HLTF: variants seen among roughly 807,000 people sequenced by gnomAD.
HLTF encodes the protein helicase like transcription factor.
HLTF carries 127 observed loss-of-function variants against 129.4 expected under a neutral mutation model. The observed-to-expected ratio is 0.98, with a 90% CI of 0.85 to 1.14. The LOEUF (loss-of-function observed/expected upper bound fraction) is 1.14. Among genes scored for constraint, HLTF ranks in the 50% most tolerant of loss-of-function variants. The pLI, the probability that HLTF is intolerant of heterozygous loss-of-function variation, is 0.00. For synonymous variants in HLTF, 332 were observed against 388.8 expected, an observed-to-expected ratio of 0.85 and a Z score of 1.72; for missense variants, 1,139 against 1,187.1, an observed-to-expected ratio of 0.96 and a Z score of 0.60.
At chr3:149,068,073 G>C (rs994828960) in intron 8 of HLTF, among the ~76,000 whole-genome samples, 167 bp downstream of exon 8, 1 of 152,104 alleles carries the variant, frequency 6.6e-6, no homozygotes, top group African/African-American at 2.4e-5. Flanking sequence ...AACGTAAAAA[G>C]AATGTGACAC....
chr3:149,069,742 A>G (rs978933624), intron 7 of HLTF, among the ~76,000 whole-genome samples: 9 of 152,348 alleles, frequency 5.9e-5, no homozygotes, highest in African/African-American at 1.7e-4. Flanking sequence ...TGTCTGAAAG[A>G]TACTTTCTAG....
intron 4 of HLTF, among the ~76,000 whole-genome samples, 200 bp downstream of exon 4, chr3:149,074,015 G>T (rs1719106918): frequency 1.3e-5 from 2 of 151,944 alleles, no homozygotes; most frequent in South Asian, 4.1e-4. Context: ...CACTCTTACT[G>T]TGTATATTTT....
chr3:149,059,604 T>C, intron 13 of HLTF, 114 bp downstream of exon 13: 1 of 647,108 alleles, frequency 1.5e-6, no homozygotes, highest in East Asian at 2.8e-5. Flanking sequence ...CTTTAAAAAA[T>C]AGTCTCTATT....
chr3:149,077,732 C>T (rs979131562), intron 2 of HLTF, among the ~76,000 whole-genome samples: 3 of 151,766 alleles, frequency 2.0e-5, no homozygotes, highest in African/African-American at 7.2e-5. Flanking sequence ...AGGCCCTAAA[C>T]GCTCACCTTT....
intron 23 of HLTF, among the ~76,000 whole-genome samples, chr3:149,038,041 A>G (rs1715802325): frequency 6.6e-6 from 1 of 152,202 alleles, no homozygotes; most frequent in Admixed American, 6.5e-5. Context: ...ATTAATGATA[A>G]TTTGTTTCTC....
intron 10 of HLTF, among the ~76,000 whole-genome samples, chr3:149,061,461 T>C (rs1361920135): frequency 6.6e-6 from 1 of 151,736 alleles, no homozygotes; most frequent in Non-Finnish European, 1.5e-5. Context: ...AAAAACTAAG[T>C]CATTCTAAAA....
Position 149,046,073 on chromosome 3 carries a change from T to C in HLTF, c.2072+7A>G. 6.3e-7 allele frequency: 1 copy of C among 1,593,912 alleles called. No individual in the cohort carries two copies. Among genetic ancestry groups the C allele is most frequent in the Non-Finnish European group, 8.5e-7 (1 of 1,171,176 alleles). On this transcript the variant is annotated splice_region_variant and intron_variant, in intron 18 of 24. Coordinates refer to ENST00000310053, the MANE Select transcript of HLTF (RefSeq NM_003071.4). ...CTAATTTTTAACATGGTTTTCTTTC[T>C]CCATACCTTCCAATAGTGGCTCTGC...
chr3:149,078,816 C>T (rs545729073), intron 2 of HLTF, among the ~76,000 whole-genome samples: 1 of 151,326 alleles, frequency 6.6e-6, no homozygotes, highest in African/African-American at 2.4e-5. Context: ...GAGATCGTGC[C>T]ACTGCACTCC....
At position 149,078,205 on chromosome 3, in the gene HLTF, T is replaced by C. The variant is rs184369761; in HGVS notation, c.229-2158A>G. Among the ~76,000 whole-genome samples the C allele has an allele frequency of 8.6e-3, 1,305 of 152,260 alleles. 19 individuals carry two copies. Among genetic ancestry groups the C allele is most frequent in the African/African-American group, 0.03 (1,232 of 41,548 alleles). The stretch of plus-strand genomic sequence containing the variant: ...AATGTCAACTGTCCCCAAGAAAGTA[T>C]AGATGTTTGACATAGTAGAAAAAGA... On this transcript the variant is annotated intron_variant, in intron 2 of 24. Coordinates refer to ENST00000310053, the MANE Select transcript of HLTF (RefSeq NM_003071.4).
chr3:149,060,642 C>A lies in HLTF; in HGVS notation c.1285+1G>T, dbSNP rs144909724. 4.9e-5 allele frequency: 78 copies of A among 1,608,058 alleles called. No homozygotes were observed. The African/African-American group carries it at 9.8e-4, about 20-fold the overall frequency. ...ATTATGGGTATATAGTATACACATA[C>A]CTTTCGCCCTGCCTTTAGTTTCAGA... On this transcript the variant is annotated splice_donor_variant, in intron 12 of 24. Transcript: ENST00000310053. LOFTEE classifies it high-confidence loss of function.
chr3:149,050,288 G>C lies in HLTF; in HGVS notation c.1561C>G (p.Leu521Val), dbSNP rs374678894. The change falls in exon 15 of 25, where the codon CTT becomes GTT. Residue 521 changes from leucine (L) to valine (V), a missense_variant. Leu to Val is a conservative substitution (Grantham distance 32). Coordinates refer to ENST00000310053, the MANE Select transcript of HLTF (RefSeq NM_003071.4). ...GPDRIREPALLSKQDIVLTTY... is the reference protein window; with the variant it reads ...GPDRIREPALVSKQDIVLTTY... ...GTCAAAACAATATCCTGTTTTGAAA[G>C]TAAGGCCGGTTCTCTAATACGATCA... 1 of 1,601,014 alleles carries C rather than the reference G, an allele frequency of 6.2e-7. No individual in the cohort carries two copies. Among genetic ancestry groups the C allele is most frequent in the Non-Finnish European group, 8.6e-7 (1 of 1,169,120 alleles).
chr3:149,081,485 G>C (rs1719870918), intron 2 of HLTF, among the ~76,000 whole-genome samples: 1 of 151,940 alleles, frequency 6.6e-6, no homozygotes, highest in South Asian at 2.1e-4. Context: ...CCGAATGTAA[G>C]AGTAATTATT....
intron 23 of HLTF, among the ~76,000 whole-genome samples, chr3:149,037,885 C>G (rs1715785645): frequency 6.6e-6 from 1 of 152,144 alleles, no homozygotes; most frequent in Non-Finnish European, 1.5e-5. Flanking sequence ...GAAAAACACG[C>G]TCCTATGTGA....
rs373688591 is a variant in HLTF at position 149,032,169 on chromosome 3, T to G, written c.*51A>C. 2.0e-5 allele frequency: 27 copies of G among 1,353,314 alleles called. No homozygotes were observed. In the African/African-American group the frequency reaches 3.9e-4, roughly 20 times the overall value. 83.8% of individuals were successfully genotyped at this position (1,353,314 alleles called of 1,614,324 possible). Reference sequence around the variant, plus strand: ...TTTCTAAAACTCTGTATTTTTCTCATTTCTAAAACTTAAGTATCCAATCAA... The same window carrying G: ...TTTCTAAAACTCTGTATTTTTCTCAGTTCTAAAACTTAAGTATCCAATCAA... On this transcript the variant is annotated 3_prime_UTR_variant, in exon 25 of 25. Coordinates refer to ENST00000310053, the MANE Select transcript of HLTF (RefSeq NM_003071.4).
At chr3:149,035,022 C>T in intron 23 of HLTF, 24 bp from the exon 24 acceptor site, 1 of 1,503,764 alleles carries the variant, frequency 6.6e-7, no homozygotes, top group Non-Finnish European at 9.3e-7. Context: ...GGATGAGTTA[C>T]TTTACTACTG....
chr3:149,061,813 G>A (rs1717973833), intron 10 of HLTF, among the ~76,000 whole-genome samples: 1 of 149,146 alleles, frequency 6.7e-6, no homozygotes, highest in Admixed American at 6.7e-5. Context: ...TCCAGCCTGG[G>A]CGACAGGAGC....
chr3:149,082,351 T>C (rs1269616553), intron 2 of HLTF, among the ~76,000 whole-genome samples: 3 of 151,958 alleles, frequency 2.0e-5, no homozygotes, highest in Non-Finnish European at 4.4e-5. Flanking sequence ...CCCAGCTACT[T>C]GGGAGGCTGA....
rs760727991 is a variant in HLTF, at chr3:149,046,127, T to C, written c.2025A>G (p.Arg675=). 1.2e-6 allele frequency: 2 copies of C among 1,611,480 alleles called. No homozygotes were observed. Among genetic ancestry groups the C allele is most frequent in the East Asian group, 2.2e-5 (1 of 44,696 alleles). Residue 675 remains arginine (R), a synonymous_variant, in exon 18 of 25, where the codon AGA becomes AGG. Coordinates refer to ENST00000310053, the MANE Select transcript of HLTF (RefSeq NM_003071.4). ...CATTTTTCACAGACTGATAAATCTTTCTCTCTTCATCTGAAAGTGTAATGT... is the reference window on the plus strand; with the variant it reads ...CATTTTTCACAGACTGATAAATCTTCCTCTCTTCATCTGAAAGTGTAATGT... ...IQHITLSDEE[R]KIYQSVKNEG... is the part of the protein sequence containing the mutation.
intron 4 of HLTF, 143 bp from the exon 5 acceptor site, chr3:149,073,465 A>G: frequency 1.7e-6 from 1 of 604,596 alleles, no homozygotes; most frequent in Non-Finnish European, 2.9e-6. Flanking sequence ...AGGCCAAGGC[A>G]GGTGGTTTGC....
Sources: gnomAD v4.1 joint callset for allele counts (sites outside exome capture counted in the v4.1 genomes callset) on GRCh38, gnomAD v4.1.1 for gene constraint, MANE v1.5 for transcripts, NCBI Gene and HGNC (gene_info 2026-07-23, HGNC 2026-07-21) for gene names.